CCDC169: variants seen among roughly 807,000 people sequenced by gnomAD.
CCDC169 encodes coiled-coil domain-containing protein 169.
In CCDC169, 30 loss-of-function variants were observed where a neutral mutation model predicts 36.0. The observed-to-expected ratio is 0.83, with a 90% CI of 0.62 to 1.13. The LOEUF (loss-of-function observed/expected upper bound fraction) is 1.13. Among genes scored for constraint, CCDC169 ranks in the 50% most tolerant of loss-of-function variants. The pLI, the probability that CCDC169 is intolerant of heterozygous loss-of-function variation, is 0.00. For synonymous variants in CCDC169, 85 were observed against 81.5 expected, an observed-to-expected ratio of 1.04 and a Z score of -0.23; for missense variants, 245 against 245.9, an observed-to-expected ratio of 1.00 and a Z score of 0.03.
intron 4 of CCDC169, among the ~76,000 whole-genome samples, chr13:36,272,879 G>A (rs1876288350): frequency 1.3e-5 from 2 of 152,122 alleles, no homozygotes; most frequent in Admixed American, 1.3e-4. Context: ...TGGCAGAGGG[G>A]TCCCAGTGAC....
At chr13:36,250,843 A>G (rs989709933) in intron 6 of CCDC169, among the ~76,000 whole-genome samples, 1 of 152,230 alleles carries the variant, frequency 6.6e-6, no homozygotes, top group African/African-American at 2.4e-5. Flanking sequence ...AAGAGGCATC[A>G]TATGATGTTT....
chr13:36,272,220 C>CA (rs111591842), intron 4 of CCDC169, among the ~76,000 whole-genome samples: 64 of 144,780 alleles, frequency 4.4e-4, no homozygotes, highest in East Asian at 1.8e-3. Context: ...ATCCATGTGA[C>CA]AAAAAAAAAA....
At chr13:36,289,994 A>G (rs1925846) in intron 2 of CCDC169, among the ~76,000 whole-genome samples, 152,244 of 152,284 alleles carry the variant, frequency 1, 76,102 homozygotes, top group Non-Finnish European at 1. Flanking sequence ...GTCAAGTCAT[A>G]GACTCCAGTG....
chr13:36,261,753 C>T lies in CCDC169; in HGVS notation c.316-7610G>A, dbSNP rs143664116. Reference sequence around the variant, plus strand: ...ACTAGAAGATAACATGTGCCTGTTCCGTAGGAAAGCTGTATTCTTTATGAT... The same window carrying T: ...ACTAGAAGATAACATGTGCCTGTTCTGTAGGAAAGCTGTATTCTTTATGAT... On this transcript the variant is annotated intron_variant, in intron 4 of 7. Transcript: ENST00000239859. Among the ~76,000 whole-genome samples, 1,289 of 152,226 alleles carry T rather than the reference C, an allele frequency of 8.5e-3. 9 individuals are homozygous for T. Among genetic ancestry groups the T allele is most frequent in the Non-Finnish European group, 0.015 (988 of 68,002 alleles).
intron 2 of CCDC169, among the ~76,000 whole-genome samples, chr13:36,290,217 G>A (rs1287066895): frequency 6.6e-6 from 1 of 152,120 alleles, no homozygotes; most frequent in Non-Finnish European, 1.5e-5. Flanking sequence ...CTACTTTCAT[G>A]AGACACAGGG....
At chr13:36,264,384 T>C (rs963896606) in intron 4 of CCDC169, among the ~76,000 whole-genome samples, 2 of 152,030 alleles carry the variant, frequency 1.3e-5, no homozygotes, top group African/African-American at 4.8e-5. Flanking sequence ...GAAATGATTA[T>C]TTAATGAGAG....
At chr13:36,281,189 T>A (rs1460167615) in intron 4 of CCDC169, 7 of 406,792 alleles carry the variant, frequency 1.7e-5, no homozygotes, top group South Asian at 1.3e-4. Context: ...AGTAGAAACT[T>A]AGGGGAAGCC....
chr13:36,258,130 T>C (rs1874151416), intron 4 of CCDC169, among the ~76,000 whole-genome samples: 1 of 152,160 alleles, frequency 6.6e-6, no homozygotes, highest in African/African-American at 2.4e-5. Flanking sequence ...TCAGTGTTGG[T>C]GGTTTTGCTT....
chr13:36,229,228 A>C (rs1032961415), downstream of CCDC169, among the ~76,000 whole-genome samples: 3 of 152,172 alleles, frequency 2.0e-5, no homozygotes, highest in African/African-American at 7.2e-5. Flanking sequence ...CAAAGTCAGA[A>C]GCTTATAAGT....
chr13:36,272,414 A>AAGT (rs1876210183), intron 4 of CCDC169, among the ~76,000 whole-genome samples: 1 of 152,168 alleles, frequency 6.6e-6, no homozygotes, highest in African/African-American at 2.4e-5. Context: ...CCTGATACAA[A>AAGT]AGTAGTAACA....
intron 4 of CCDC169, among the ~76,000 whole-genome samples, chr13:36,269,594 T>C (rs1875774832): frequency 6.6e-6 from 1 of 152,184 alleles, no homozygotes; most frequent in African/African-American, 2.4e-5. Flanking sequence ...TGGGATTCAT[T>C]CCAGGGATGC....
At chr13:36,243,019 A>T (rs1374420199) in intron 7 of CCDC169, among the ~76,000 whole-genome samples, 2 of 152,234 alleles carry the variant, frequency 1.3e-5, no homozygotes, top group Non-Finnish European at 1.5e-5. Context: ...GACATGATAA[A>T]CAGAAGTTCA....
chr13:36,289,427 T>C (rs1053037063), intron 2 of CCDC169, among the ~76,000 whole-genome samples: 1 of 152,260 alleles, frequency 6.6e-6, no homozygotes, highest in Non-Finnish European at 1.5e-5. Context: ...TTGATAGATG[T>C]AAATTTTTCA....
At chr13:36,245,522 T>C (rs751915370) in intron 7 of CCDC169, among the ~76,000 whole-genome samples, 6 of 152,172 alleles carry the variant, frequency 3.9e-5, no homozygotes, top group Non-Finnish European at 8.8e-5. Flanking sequence ...GGTCTTGAAC[T>C]TGAGGCCTCA....
Position 36,262,811 on chromosome 13 carries a change from T to C in CCDC169, c.316-8668A>G, listed in dbSNP as rs1874760454. Among the ~76,000 whole-genome samples, 3 of 152,184 alleles carry C rather than the reference T, an allele frequency of 2.0e-5. No individual in the cohort carries two copies. In the South Asian group the frequency reaches 6.2e-4, roughly 31 times the overall value. On this transcript the variant is annotated intron_variant, in intron 4 of 7. Coordinates refer to ENST00000239859, the MANE Select transcript of CCDC169 (RefSeq NM_001144981.3). ...TCTGTGCCCAGCTCTGGATCAGTGA[T>C]GGGGGTATCTCTTTTCTAAGAGATA...
At chr13:36,294,999 T>C (rs1879308445) in intron 2 of CCDC169, among the ~76,000 whole-genome samples, 1 of 152,184 alleles carries the variant, frequency 6.6e-6, no homozygotes, top group African/African-American at 2.4e-5. Context: ...GAGGCAGAAA[T>C]TGGGCATAAG....
chr13:36,244,923 C>T (rs1254099963), intron 7 of CCDC169, among the ~76,000 whole-genome samples: 1 of 152,094 alleles, frequency 6.6e-6, no homozygotes, highest in East Asian at 1.9e-4. Flanking sequence ...ACTTAAACTA[C>T]ATTATATTTC....
At chr13:36,230,702 GTTTA>G, downstream of CCDC169, 1 of 938,548 alleles carries the variant, frequency 1.1e-6, no homozygotes, top group Non-Finnish European at 1.3e-6. Flanking sequence ...CTACAAACAA[GTTTA>G]TTTAAGATTG....
chr13:36,280,544 T>C (rs1594076171), intron 4 of CCDC169: 1 of 152,226 alleles, frequency 6.6e-6, no homozygotes, highest in Non-Finnish European at 1.5e-5. Flanking sequence ...CCAATTAGCA[T>C]AGGATTCAAA....
Sources: gnomAD v4.1 joint callset for allele counts (sites outside exome capture counted in the v4.1 genomes callset) on GRCh38, gnomAD v4.1.1 for gene constraint, MANE v1.5 for transcripts, NCBI Gene and HGNC (gene_info 2026-07-23, HGNC 2026-07-21) for gene names.